The following ARHGAP21 variants were observed in gnomAD, a reference collection of about 807,000 sequenced individuals.
ARHGAP21 encodes Rho GTPase activating protein 21, also known as rho GTPase-activating protein 21.
In ARHGAP21, 38 loss-of-function variants were observed where a neutral mutation model predicts 164.6. The observed-to-expected ratio is 0.23, with a 90% CI of 0.18 to 0.30. ARHGAP21 has a LOEUF of 0.30. Ranked by LOEUF, ARHGAP21 falls within the 10% of genes least tolerant of loss-of-function variation. The probability of loss-of-function intolerance (pLI) is 1.00; values close to 1 mark genes in which losing one functional copy is unlikely to be tolerated. For missense variants in ARHGAP21, 1,822 were observed against 2,370.7 expected, an observed-to-expected ratio of 0.77 and a Z score of 4.81; for synonymous variants, 766 against 857.9, an observed-to-expected ratio of 0.89 and a Z score of 1.87.
chr10:24,602,028 C>G lies in ARHGAP21; in HGVS notation c.2797G>C (p.Ala933Pro), dbSNP rs773164469. The G allele has an allele frequency of 6.2e-7, 1 of 1,612,322 alleles. No individual in the cohort carries two copies. Among genetic ancestry groups the G allele is most frequent in the Non-Finnish European group, 8.5e-7 (1 of 1,179,850 alleles). The change falls in exon 13 of 26, where the codon GCC becomes CCC. Residue 933 changes from alanine (A) to proline (P), a missense_variant. Around this residue, in one of 5 missense-constraint regions of ARHGAP21, gnomAD observed 1,090 missense variants for 1,378.9 expected, o/e 0.79. Transcript: ENST00000396432. The part of the protein sequence containing the change: ...DSSSEVFSDA[A>P]KEGWLHFRPL... ...CGGAAATGAAGCCACCCTTCCTTGG[C>G]AGCATCACTGAAGACCTCTGAGGAA...
chr10:24,595,898 A>G lies in ARHGAP21; in HGVS notation c.3623T>C (p.Ile1208Thr), dbSNP rs367814916. Residue 1208 changes from isoleucine (I) to threonine (T), a missense_variant, in exon 18 of 26, where the codon ATA (isoleucine) becomes ACA (threonine). By Grantham distance (89) the Ile-to-Thr change is moderately conservative. This residue lies in a region of ARHGAP21 where 117 missense variants were observed against 238.1 expected (regional missense o/e 0.49). Coordinates refer to ENST00000396432, the MANE Select transcript of ARHGAP21 (RefSeq NM_020824.4). ...AATAAGCAAACTTACATCATCTTGT[A>G]TATCAATATCAGCCATTCCCTTGTT... ...ELNKGMADID[I>T]QDDKWRDLNV... 5.5e-5 allele frequency: 88 copies of G among 1,612,424 alleles called. 1 individual carries two copies. The highest frequency in any genetic ancestry group is 4.0e-4 in the Admixed American group (24 of 59,784).
At chr10:24,605,846 T>C (rs2077001754) in intron 11 of ARHGAP21, 1 of 152,150 alleles carries the variant, frequency 6.6e-6, no homozygotes. Flanking sequence ...ATAATAGCCT[T>C]ACCAGGTAAG....
At chr10:24,680,727 C>T (rs1251887833) in intron 2 of ARHGAP21, among the ~76,000 whole-genome samples, 1 of 152,194 alleles carries the variant, frequency 6.6e-6, no homozygotes, top group Non-Finnish European at 1.5e-5. Flanking sequence ...TCCTTCTACT[C>T]ACCCACATTG....
chr10:24,699,517 G>A (rs1490178287), intron 2 of ARHGAP21, among the ~76,000 whole-genome samples: 1 of 151,892 alleles, frequency 6.6e-6, no homozygotes, highest in Non-Finnish European at 1.5e-5. Context: ...TAGAGATAGG[G>A]TTTCACCATG....
chr10:24,658,990 C>A (rs1839390732), intron 4 of ARHGAP21, among the ~76,000 whole-genome samples: 1 of 152,134 alleles, frequency 6.6e-6, no homozygotes, highest in Non-Finnish European at 1.5e-5. Flanking sequence ...AGTGAGATAC[C>A]ACTTCACACC....
At chr10:24,612,712 A>G (rs901008488) in intron 9 of ARHGAP21, among the ~76,000 whole-genome samples, 3 of 152,032 alleles carry the variant, frequency 2.0e-5, no homozygotes, top group South Asian at 2.1e-4. Flanking sequence ...AAAATTAGCC[A>G]GGTGTGGTGG....
intron 4 of ARHGAP21, among the ~76,000 whole-genome samples, chr10:24,662,815 T>C (rs974034260): frequency 6.6e-6 from 1 of 152,222 alleles, no homozygotes; most frequent in African/African-American, 2.4e-5. Flanking sequence ...CTTATTAGTC[T>C]TTTAACTAAC....
intron 24 of ARHGAP21, chr10:24,590,615 G>A: frequency 7.2e-7 from 1 of 1,397,166 alleles, no homozygotes; most frequent in African/African-American, 1.4e-5. Context: ...TTTGGCAGGA[G>A]AAAGTTTTCA....
chr10:24,589,905 G>A (rs7894175), intron 24 of ARHGAP21: 77,031 of 156,706 alleles, frequency 0.49, 19,240 homozygotes, highest in Middle Eastern at 0.54. Flanking sequence ...CAGTGCAGTT[G>A]AGGGATCCTT....
chr10:24,690,199 T>C (rs1233171890), intron 2 of ARHGAP21, among the ~76,000 whole-genome samples: 1 of 152,156 alleles, frequency 6.6e-6, no homozygotes, highest in African/African-American at 2.4e-5. Flanking sequence ...TACAACTGCC[T>C]TGTAGACCAG....
rs527657297 is a variant in ARHGAP21, at chr10:24,666,022, GTTTGT to G, written c.268+958_268+962del. On this transcript the variant is annotated intron_variant, in intron 4 of 25. Coordinates refer to ENST00000396432, the MANE Select transcript of ARHGAP21 (RefSeq NM_020824.4). ...TGTTGATTGTACCATGGTATTGTAA[GTTTGT>G]TTTGTTTTGTTTTGTTTTTTGAGAC... Among the ~76,000 whole-genome samples, 435 of 152,204 alleles carry G rather than the reference GTTTGT, an allele frequency of 2.9e-3. 3 individuals carry two copies. The highest frequency in any genetic ancestry group is 0.024 in the Middle Eastern group (7 of 294).
Position 24,630,015 on chromosome 10 carries a change from T to C in ARHGAP21, c.476A>G (p.Asp159Gly). 6.4e-7 allele frequency: 1 copy of C among 1,573,204 alleles called. No individual in the cohort carries two copies. Among genetic ancestry groups the C allele is most frequent in the Non-Finnish European group, 8.7e-7 (1 of 1,155,220 alleles). The stretch of plus-strand genomic sequence containing the variant: ...ACTTACCACTTGGAGAATGTCTTCA[T>C]CTTTTGGCATAACACTAAGTTCCAA... ...TTLELSVMPK[D>G]EDILQVLQFT... Residue 159 changes from aspartate (D) to glycine (G), a missense_variant, in exon 7 of 26, where the codon GAT becomes GGT. Coordinates refer to ENST00000396432, the MANE Select transcript of ARHGAP21 (RefSeq NM_020824.4).
chr10:24,707,859 T>C (rs1166879327), intron 2 of ARHGAP21, among the ~76,000 whole-genome samples: 1 of 152,148 alleles, frequency 6.6e-6, no homozygotes, highest in Non-Finnish European at 1.5e-5. Context: ...CTCCCAAACA[T>C]CCTGTCACCC....
At chr10:24,627,175 T>C (rs1835219851) in intron 7 of ARHGAP21, among the ~76,000 whole-genome samples, 1 of 152,182 alleles carries the variant, frequency 6.6e-6, no homozygotes, top group South Asian at 2.1e-4. Context: ...CCCAATCCTG[T>C]TGCCCAGGCA....
Position 24,722,163 on chromosome 10 carries a change from G to A in ARHGAP21, c.-264C>T, listed in dbSNP as rs549219467. ...AAAACAAAGGCGACAGGTCTTCTTG[G>A]CAGCCAGTGTCGAGGCCAATTGCAG... On this transcript the variant is annotated 5_prime_UTR_variant, in exon 2 of 26. Coordinates refer to ENST00000396432, the MANE Select transcript of ARHGAP21 (RefSeq NM_020824.4). 4 of 508,580 alleles carry A rather than the reference G, an allele frequency of 7.9e-6. No individual in the cohort carries two copies. The highest frequency in any genetic ancestry group is 1.4e-5 in the Non-Finnish European group (4 of 279,626). 31.5% of individuals were successfully genotyped at this position (508,580 alleles called of 1,614,324 possible). A position where few individuals can be genotyped will look rare whatever the true frequency, so the allele number is the denominator to read the frequency against.
chr10:24,714,671 T>C (rs909153355), intron 2 of ARHGAP21, among the ~76,000 whole-genome samples: 1 of 152,168 alleles, frequency 6.6e-6, no homozygotes, highest in Non-Finnish European at 1.5e-5. Context: ...AATTAAATAA[T>C]AGAGTTATAC....
At chr10:24,594,889 A>C in intron 21 of ARHGAP21, 61 bp downstream of exon 21, 1 of 1,337,472 alleles carries the variant, frequency 7.5e-7, no homozygotes, top group African/African-American at 1.5e-5. Flanking sequence ...TGAAGTAATG[A>C]AGCATATCTT....
At chr10:24,623,683 T>C (rs559685931) in intron 7 of ARHGAP21, among the ~76,000 whole-genome samples, 10 of 152,326 alleles carry the variant, frequency 6.6e-5, no homozygotes, top group African/African-American at 1.9e-4. Context: ...TTTTATTATA[T>C]ACCACCTGAA....
intron 16 of ARHGAP21, among the ~76,000 whole-genome samples, chr10:24,597,109 G>C (rs970968402): frequency 2.0e-5 from 3 of 150,610 alleles, no homozygotes. Flanking sequence ...AAACTACATA[G>C]AATCAGTGTG....
Sources: gnomAD v4.1 joint callset for allele counts (sites outside exome capture counted in the v4.1 genomes callset) on GRCh38, gnomAD v4.1.1 for gene constraint, gnomAD v4.1.1 regional missense constraint, MANE v1.5 for transcripts, NCBI Gene and HGNC (gene_info 2026-07-23, HGNC 2026-07-21) for gene names.